Variants in PKIB observed in about 807,000 individuals in gnomAD.
PKIB encodes the protein cAMP-dependent protein kinase inhibitor beta.
In PKIB, 2 loss-of-function variants were observed where a neutral mutation model predicts 4.5. The ratio of observed to expected loss-of-function variants is 0.44; its 90% CI spans 0.18 to 1.39. The LOEUF (loss-of-function observed/expected upper bound fraction) is 1.39, where lower values mean the gene tolerates loss of function less well. PKIB is among the 40% of genes most tolerant of loss of function. The pLI is 0.27. For synonymous variants in PKIB, 38 were observed against 36.0 expected, an observed-to-expected ratio of 1.06 and a Z score of -0.20; for missense variants, 94 against 92.6, an observed-to-expected ratio of 1.02 and a Z score of -0.06.
chr6:122,592,435 T>C (rs548047617), intron 3 of PKIB, among the ~76,000 whole-genome samples: 1 of 152,320 alleles, frequency 6.6e-6, no homozygotes, highest in South Asian at 2.1e-4. Flanking sequence ...TGAAAAATTT[T>C]GGTCTTTAAA....
chr6:122,490,472 G>C (rs1008530504), intron 2 of PKIB, among the ~76,000 whole-genome samples: 10 of 151,966 alleles, frequency 6.6e-5, no homozygotes, highest in Non-Finnish European at 2.9e-5. Flanking sequence ...GGGGACTGGC[G>C]GGAGGTGATT....
chr6:122,501,929 CTT>C lies in PKIB; in HGVS notation c.-248+24009_-248+24010del, dbSNP rs59519477. ...TAGGCTTTTAGAAGCAGCCAGGCCA[CTT>C]TTTTTTTTTTTTTTTTTTAATTTTA... On this transcript the variant is annotated intron_variant, in intron 2 of 6. Coordinates refer to the PKIB transcript ENST00000392491. 8.1e-3 allele frequency among the ~76,000 whole-genome samples: 1,009 copies of C among 124,586 alleles called. 11 individuals are homozygous for C. Among genetic ancestry groups the C allele is most frequent in the African/African-American group, 0.021 (700 of 33,800 alleles). The allele number at this position is 124,586 out of a possible 152,430, so 81.7% of individuals were successfully genotyped here. A position where few individuals can be genotyped will look rare whatever the true frequency, so the allele number is the denominator to read the frequency against.
intron 4 of PKIB, among the ~76,000 whole-genome samples, chr6:122,719,417 A>G (rs1779632507): frequency 6.6e-6 from 1 of 152,208 alleles, no homozygotes; most frequent in South Asian, 2.1e-4. Context: ...CCAGATGCTA[A>G]AGATTACACA....
At chr6:122,551,381 T>C (rs1333951759) in intron 2 of PKIB, among the ~76,000 whole-genome samples, 1 of 152,192 alleles carries the variant, frequency 6.6e-6, no homozygotes. Context: ...ATTGAGTTTT[T>C]CCTCTCTGCC....
At position 122,725,946 on chromosome 6, in the gene PKIB, C is replaced by A. The variant is rs1189408727; in HGVS notation, c.*751C>A. 1 of 152,038 alleles carries A rather than the reference C, an allele frequency of 6.6e-6. No homozygotes were observed. Among genetic ancestry groups the A allele is most frequent in the African/African-American group, 2.4e-5 (1 of 41,412 alleles). The allele number at this position is 152,038 out of a possible 1,614,324, so 9.4% of individuals were successfully genotyped here. A position where few individuals can be genotyped will look rare whatever the true frequency, so the allele number is the denominator to read the frequency against. On this transcript the variant is annotated 3_prime_UTR_variant, in exon 5 of 5. Transcript: ENST00000368452. ...ACTTTAATATGAATTATACAAAATA[C>A]TAGTTGTTTTACACTCTCTTTTCTT... is the stretch of plus-strand genomic sequence containing the variant.
At chr6:122,487,304 T>C (rs1032983857) in intron 2 of PKIB, among the ~76,000 whole-genome samples, 1 of 152,224 alleles carries the variant, frequency 6.6e-6, no homozygotes, top group African/African-American at 2.4e-5. Context: ...TTTTGAAGAA[T>C]GAAAGTTAGT....
intron 2 of PKIB, among the ~76,000 whole-genome samples, chr6:122,665,889 T>C (rs1777203895): frequency 6.6e-6 from 1 of 152,222 alleles, no homozygotes; most frequent in Non-Finnish European, 1.5e-5. Flanking sequence ...GCACAGTTTT[T>C]CCTTCGGTAT....
At chr6:122,647,409 TCAC>T (rs1271691172) in intron 2 of PKIB, among the ~76,000 whole-genome samples, 5 of 152,220 alleles carry the variant, frequency 3.3e-5, no homozygotes, top group African/African-American at 1.2e-4. Flanking sequence ...ATGAAGCTGA[TCAC>T]CACATCACAG....
At chr6:122,484,498 T>C (rs576973603) in intron 2 of PKIB, among the ~76,000 whole-genome samples, 5 of 152,324 alleles carry the variant, frequency 3.3e-5, no homozygotes, top group Non-Finnish European at 5.9e-5. Context: ...AGAACTGTTA[T>C]AGTAAGAGGA....
chr6:122,619,543 T>TGTTAGAATGC (rs1335269728), intron 1 of PKIB, among the ~76,000 whole-genome samples: 1 of 152,108 alleles, frequency 6.6e-6, no homozygotes, highest in South Asian at 2.1e-4. Context: ...GCTGTCCCAC[T>TGTTAGAATGC]GTTAGAATGC....
intron 2 of PKIB, among the ~76,000 whole-genome samples, chr6:122,497,476 G>A (rs982676379): frequency 1.3e-5 from 2 of 152,130 alleles, no homozygotes; most frequent in Non-Finnish European, 2.9e-5. Flanking sequence ...GTCTTCAAGA[G>A]ACTCAGCCCA....
At chr6:122,591,514 T>G (rs887690517) in intron 3 of PKIB, among the ~76,000 whole-genome samples, 1 of 152,174 alleles carries the variant, frequency 6.6e-6, no homozygotes, top group Admixed American at 6.6e-5. Flanking sequence ...ATCTTTTCTC[T>G]TATCGTTTTC....
intron 2 of PKIB, among the ~76,000 whole-genome samples, chr6:122,529,585 T>G (rs1399517267): frequency 6.6e-6 from 1 of 152,178 alleles, no homozygotes. Context: ...GGGCACCTGT[T>G]AGTTAACCTT....
intron 2 of PKIB, among the ~76,000 whole-genome samples, chr6:122,515,800 G>A (rs921684153): frequency 3.9e-5 from 6 of 151,990 alleles, no homozygotes; most frequent in African/African-American, 1.5e-4. Flanking sequence ...ACTGCAACCT[G>A]TGCCTCCTGG....
intron 2 of PKIB, among the ~76,000 whole-genome samples, chr6:122,642,914 C>A (rs1776174960): frequency 6.6e-6 from 1 of 152,102 alleles, no homozygotes; most frequent in South Asian, 2.1e-4. Flanking sequence ...ACACCAAATT[C>A]CTCATTACAT....
chr6:122,579,983 T>G (rs1368685040), intron 2 of PKIB, among the ~76,000 whole-genome samples: 1 of 152,156 alleles, frequency 6.6e-6, no homozygotes, highest in Non-Finnish European at 1.5e-5. Flanking sequence ...TAAAAATAGG[T>G]CTTAAGGTGC....
chr6:122,626,557 G>A (rs1246111709), intron 1 of PKIB, among the ~76,000 whole-genome samples: 3 of 152,186 alleles, frequency 2.0e-5, no homozygotes, highest in Admixed American at 6.5e-5. Context: ...CACAGAAGAT[G>A]CGGCATTTGA....
At chr6:122,575,865 A>T (rs534315092) in intron 2 of PKIB, among the ~76,000 whole-genome samples, 1 of 152,276 alleles carries the variant, frequency 6.6e-6, no homozygotes, top group Admixed American at 6.5e-5. Flanking sequence ...TAAAGAACTT[A>T]TCCGTGTAAG....
At chr6:122,616,919 A>G (rs1052476525) in intron 1 of PKIB, among the ~76,000 whole-genome samples, 1 of 152,158 alleles carries the variant, frequency 6.6e-6, no homozygotes, top group Non-Finnish European at 1.5e-5. Flanking sequence ...AGGCAAAGAG[A>G]GTATCTATTC....
Sources: gnomAD v4.1 joint callset for allele counts (sites outside exome capture counted in the v4.1 genomes callset) on GRCh38, gnomAD v4.1.1 for gene constraint, MANE v1.5 for transcripts, NCBI Gene and HGNC (gene_info 2026-07-23, HGNC 2026-07-21) for gene names.